NDUFA5: variants seen among roughly 807,000 people sequenced by gnomAD.
NDUFA5 encodes the protein NADH dehydrogenase [ubiquinone] 1 alpha subcomplex subunit 5.
A neutral mutation model predicts 19.8 loss-of-function variants in NDUFA5; 11 were observed. The observed-to-expected ratio is 0.56, with a 90% confidence interval of 0.35 to 0.92. The LOEUF (loss-of-function observed/expected upper bound fraction) is 0.92. Among genes scored for constraint, NDUFA5 ranks in the 40% least tolerant of loss-of-function variants. The probability of loss-of-function intolerance (pLI) is 0.01; values close to 1 mark genes in which losing one functional copy is unlikely to be tolerated. For missense variants in NDUFA5, 109 were observed against 134.2 expected, an observed-to-expected ratio of 0.81 and a Z score of 0.93; for synonymous variants, 47 against 46.8, an observed-to-expected ratio of 1.00 and a Z score of -0.01.
At chr7:123,593,954 A>G in the NDUFA5 span, among the ~76,000 whole-genome samples, 1 of 151,942 alleles carries the variant, frequency 6.6e-6, no homozygotes, top group East Asian at 1.9e-4. Context: ...ATAGTCCCAT[A>G]TTTCTTGGAG....
chr7:123,566,838 T>C, the NDUFA5 span, among the ~76,000 whole-genome samples: 1 of 152,182 alleles, frequency 6.6e-6, no homozygotes, highest in African/African-American at 2.4e-5. Flanking sequence ...ACCTTATTTT[T>C]CAAACGAGGC....
the NDUFA5 span, among the ~76,000 whole-genome samples, chr7:123,582,673 A>C: frequency 6.6e-6 from 1 of 151,754 alleles, no homozygotes; most frequent in South Asian, 2.1e-4. Flanking sequence ...ACTCCTTCTT[A>C]TCCTTCAAGT....
the NDUFA5 span, among the ~76,000 whole-genome samples, chr7:123,569,580 G>A: frequency 1.3e-5 from 2 of 152,216 alleles, no homozygotes; most frequent in African/African-American, 4.8e-5. Context: ...TGCATCTGCT[G>A]TCAGCCCCTA....
At chr7:123,547,701 G>C (rs1798186105) in intron 3 of NDUFA5, among the ~76,000 whole-genome samples, 1 of 152,040 alleles carries the variant, frequency 6.6e-6, no homozygotes, top group African/African-American at 2.4e-5. Context: ...GGAGAGTGAA[G>C]GTAAAGAAGG....
the NDUFA5 span, among the ~76,000 whole-genome samples, chr7:123,592,612 T>C: frequency 5.3e-5 from 8 of 152,342 alleles, no homozygotes; most frequent in African/African-American, 1.9e-4. Flanking sequence ...AGTTTCTTAA[T>C]CCTTATTTCT....
At chr7:123,601,634 T>C in the NDUFA5 span, among the ~76,000 whole-genome samples, 1 of 152,190 alleles carries the variant, frequency 6.6e-6, no homozygotes, top group Non-Finnish European at 1.5e-5. Context: ...AGGTCCTTTG[T>C]TTTCATAAGA....
the NDUFA5 span, among the ~76,000 whole-genome samples, chr7:123,580,614 T>G: frequency 6.6e-6 from 1 of 152,064 alleles, no homozygotes; most frequent in Non-Finnish European, 1.5e-5. Flanking sequence ...GGCACCTTTG[T>G]GCAGTTTGGA....
the NDUFA5 span, among the ~76,000 whole-genome samples, chr7:123,595,820 A>G: frequency 6.6e-6 from 1 of 152,302 alleles, no homozygotes; most frequent in Non-Finnish European, 1.5e-5. Flanking sequence ...GTATTTGTCT[A>G]CACTGTGGGT....
At position 123,555,616 on chromosome 7, in the gene NDUFA5, T is replaced by C. The variant is rs1798508450; in HGVS notation, c.66+1788A>G. 8.5e-5 allele frequency: 13 copies of C among 152,274 alleles called. 2 individuals carry two copies. In the South Asian group the frequency reaches 2.7e-3, roughly 32 times the overall value. 9.4% of individuals were successfully genotyped at this position (152,274 alleles called of 1,614,324 possible). A position where few individuals can be genotyped will look rare whatever the true frequency, so the allele number is the denominator to read the frequency against. On this transcript the variant is annotated intron_variant, in intron 2 of 4. Coordinates refer to ENST00000355749, the MANE Select transcript of NDUFA5 (RefSeq NM_005000.5). Reference sequence around the variant, plus strand: ...GGGAAAAACCATGAGTTCAGTTCTTTACATCAATGACAATAAAGTTATTAT... The same window carrying C: ...GGGAAAAACCATGAGTTCAGTTCTTCACATCAATGACAATAAAGTTATTAT...
the NDUFA5 span, among the ~76,000 whole-genome samples, chr7:123,583,256 A>T: frequency 6.6e-6 from 1 of 152,112 alleles, no homozygotes; most frequent in East Asian, 1.9e-4. Flanking sequence ...AATAAATAAA[A>T]GACAGCACTG....
the NDUFA5 span, among the ~76,000 whole-genome samples, chr7:123,564,266 C>T: frequency 4.8e-3 from 733 of 152,296 alleles, 2 homozygotes; most frequent in Middle Eastern, 0.014. Context: ...TAATATGGCA[C>T]CACCTACTTG....
At chr7:123,581,486 T>G in the NDUFA5 span, among the ~76,000 whole-genome samples, 3 of 151,482 alleles carry the variant, frequency 2.0e-5, no homozygotes, top group African/African-American at 7.3e-5. Flanking sequence ...CCCATCCAAC[T>G]TAAGTCCTAA....
chr7:123,564,973 A>C, the NDUFA5 span, among the ~76,000 whole-genome samples: 3 of 151,742 alleles, frequency 2.0e-5, no homozygotes, highest in African/African-American at 7.3e-5. Context: ...ACACACATAC[A>C]TGTAGAGAGA....
chr7:123,601,130 C>T, the NDUFA5 span, among the ~76,000 whole-genome samples: 1 of 152,076 alleles, frequency 6.6e-6, no homozygotes, highest in Admixed American at 6.6e-5. Flanking sequence ...CCAAGGATAG[C>T]TGTGTCAAAA....
intron 2 of NDUFA5, among the ~76,000 whole-genome samples, chr7:123,553,514 G>C (rs1055670397): frequency 1.1e-4 from 16 of 152,170 alleles, no homozygotes; most frequent in Admixed American, 9.2e-4. Flanking sequence ...GATTTGGATG[G>C]GGACAGAGCT....
At chr7:123,584,543 G>A in the NDUFA5 span, among the ~76,000 whole-genome samples, 1 of 151,788 alleles carries the variant, frequency 6.6e-6, no homozygotes, top group African/African-American at 2.4e-5. Flanking sequence ...TTTTCTCCCT[G>A]TAATAGATTA....
the NDUFA5 span, among the ~76,000 whole-genome samples, chr7:123,595,756 T>C: frequency 2.0e-5 from 3 of 152,168 alleles, no homozygotes; most frequent in Non-Finnish European, 4.4e-5. Flanking sequence ...TTGTAAATGC[T>C]CTTTAGCTAG....
At chr7:123,542,310 CTTTCA>C in intron 4 of NDUFA5, 90 bp from the exon 5 acceptor site, 3 of 870,218 alleles carry the variant, frequency 3.4e-6, no homozygotes, top group African/African-American at 1.7e-5. Context: ...TTAGTTACTA[CTTTCA>C]TTTAATATCT....
rs572146056 is a variant in NDUFA5 at position 123,546,951 on chromosome 7, T to G, written c.184-1275A>C. The G allele has an allele frequency of 1.5e-4, 55 of 372,280 alleles. 1 individual carries two copies. The highest frequency in any genetic ancestry group is 1.1e-3 in the South Asian group (52 of 49,084). 23.1% of individuals were successfully genotyped at this position (372,280 alleles called of 1,614,324 possible). On this transcript the variant is annotated intron_variant, in intron 3 of 4. Transcript: ENST00000355749. ...GGGAGATTTTCCTGAATTATCCATA[T>G]AGTCCCTAACTGCAATTATAAGTGT...
Sources: gnomAD v4.1 joint callset for allele counts (sites outside exome capture counted in the v4.1 genomes callset) on GRCh38, gnomAD v4.1.1 for gene constraint, MANE v1.5 for transcripts, NCBI Gene and HGNC (gene_info 2026-07-23, HGNC 2026-07-21) for gene names.